IL1RN: variants seen among roughly 807,000 people sequenced by gnomAD.
IL1RN encodes the protein interleukin-1 receptor antagonist protein.
In IL1RN, 10 loss-of-function variants were observed where a neutral mutation model predicts 13.7. The ratio of observed to expected loss-of-function variants is 0.73; its 90% CI spans 0.45 to 1.24. IL1RN has a LOEUF of 1.24. Ranked by LOEUF, IL1RN falls within the 50% of genes most tolerant of loss-of-function variation. The pLI is 0.00. For synonymous variants in IL1RN, 102 were observed against 82.7 expected (o/e 1.23, Z -1.27); for missense variants, 213 against 222.1 (o/e 0.96, Z 0.26).
At chr2:113,111,829 G>T (rs747227190) in intron 1 of IL1RN, among the ~76,000 whole-genome samples, 1 of 152,260 alleles carries the variant, frequency 6.6e-6, no homozygotes, top group Non-Finnish European at 1.5e-5. Flanking sequence ...TATCAGTCAG[G>T]TCCCTTACTT....
At chr2:113,112,576 CTG>C (rs1686519537) in intron 1 of IL1RN, among the ~76,000 whole-genome samples, 1 of 152,126 alleles carries the variant, frequency 6.6e-6, no homozygotes, top group African/African-American at 2.4e-5. Context: ...CAGTTTAGTT[CTG>C]TGACTTACTT....
intron 1 of IL1RN, among the ~76,000 whole-genome samples, chr2:113,119,654 A>C (rs1175440112): frequency 1.3e-5 from 2 of 152,230 alleles, no homozygotes; most frequent in African/African-American, 4.8e-5. Flanking sequence ...ATACCAATAC[A>C]TTGTGAAGAA....
chr2:113,128,577 G>C (rs547323834), intron 1 of IL1RN, among the ~76,000 whole-genome samples: 4 of 152,234 alleles, frequency 2.6e-5, no homozygotes, highest in African/African-American at 7.2e-5. Flanking sequence ...AGCTCCAGGA[G>C]ATCCTCCTGG....
chr2:113,110,714 A>G (rs1686480842), upstream of IL1RN, among the ~76,000 whole-genome samples: 1 of 152,232 alleles, frequency 6.6e-6, no homozygotes, highest in South Asian at 2.1e-4. Flanking sequence ...TAAAGTGCCT[A>G]TGATTCTTAA....
the IL1RN span, among the ~76,000 whole-genome samples, chr2:113,099,897 GC>G: frequency 0.13 from 18,251 of 145,332 alleles, 1,465 homozygotes; most frequent in Non-Finnish European, 0.19. Flanking sequence ...ACCACGCCCG[GC>G]TAATTTTTTG....
intron 1 of IL1RN, among the ~76,000 whole-genome samples, chr2:113,129,100 G>A (rs1687067212): frequency 6.6e-6 from 1 of 152,128 alleles, no homozygotes; most frequent in African/African-American, 2.4e-5. Context: ...GTCTCAGGTG[G>A]CTATTTAAAT....
upstream of IL1RN, among the ~76,000 whole-genome samples, chr2:113,117,048 A>G (rs1340008935): frequency 6.6e-6 from 1 of 152,178 alleles, no homozygotes. Context: ...GGATGGCTTT[A>G]AGCATTTGTG....
At chr2:113,129,941 G>A (rs1687103561) in intron 2 of IL1RN, 1 of 448,238 alleles carries the variant, frequency 2.2e-6, no homozygotes, top group Non-Finnish European at 4.2e-6. Context: ...ATACCAGAAG[G>A]CAAGGTTGAC....
chr2:113,130,020 A>G (rs1687105748), intron 2 of IL1RN: 1 of 307,528 alleles, frequency 3.3e-6, no homozygotes, highest in Non-Finnish European at 6.4e-6. Context: ...CTCAATCCCA[A>G]ATTAATCCAC....
At chr2:113,100,609 C>T in the IL1RN span, among the ~76,000 whole-genome samples, 1,324 of 152,292 alleles carry the variant, frequency 8.7e-3, 17 homozygotes, top group African/African-American at 0.03. Flanking sequence ...ATCACTCTAT[C>T]GCACAGATGC....
chr2:113,130,546 G>A (rs1687134440), intron 2 of IL1RN, among the ~76,000 whole-genome samples: 2 of 151,982 alleles, frequency 1.3e-5, no homozygotes, highest in South Asian at 4.1e-4. Context: ...GGAAAGTGAG[G>A]GAAATATGGA....
chr2:113,113,022 C>A (rs993186380), upstream of IL1RN: 5 of 152,172 alleles, frequency 3.3e-5, no homozygotes, highest in African/African-American at 4.8e-5. Context: ...AGGAACTGCA[C>A]CTCTTCCTTC....
At chr2:113,106,481 T>C (rs1025893826), upstream of IL1RN, among the ~76,000 whole-genome samples, 12 of 152,230 alleles carry the variant, frequency 7.9e-5, no homozygotes, top group African/African-American at 2.7e-4. Flanking sequence ...TTAAGCAACA[T>C]TGTTCTATAA....
intron 2 of IL1RN, among the ~76,000 whole-genome samples, chr2:113,130,470 ATGGCCT>A (rs1687131152): frequency 6.6e-6 from 1 of 152,226 alleles, no homozygotes; most frequent in Admixed American, 6.5e-5. Flanking sequence ...AGCCCCACTC[ATGGCCT>A]TGTTCATTTT....
At position 113,129,645 on chromosome 2, in the gene IL1RN, A is replaced by G. The variant is rs545976021; in HGVS notation, c.186A>G (p.Gly62=). The G allele has an allele frequency of 5.6e-6, 9 of 1,611,142 alleles. No individual in the cohort carries two copies. The East Asian group carries it at 1.8e-4, about 32-fold the overall frequency. Residue 62 remains glycine, a synonymous_variant, in exon 2 of 4, where the codon GGA becomes GGG. Transcript: ENST00000409930. ...AACTAGTTGCTGGATACTTGCAAGG[A>G]CCAAATGTCAATTTAGAAGGTGAGT... is the stretch of plus-strand genomic sequence containing the variant. ...NNQLVAGYLQ[G]PNVNLEEKID...
At chr2:113,124,164 G>C (rs147906350), upstream of IL1RN, among the ~76,000 whole-genome samples, 11 of 152,244 alleles carry the variant, frequency 7.2e-5, no homozygotes, top group African/African-American at 2.6e-4. Flanking sequence ...CAGGACCTCC[G>C]ATGAAAGCCA....
the IL1RN span, among the ~76,000 whole-genome samples, chr2:113,099,842 C>G: frequency 6.9e-6 from 1 of 145,576 alleles, no homozygotes; most frequent in African/African-American, 2.5e-5. Flanking sequence ...TCACGCCCTT[C>G]TCCTGCCTCA....
chr2:113,127,725 A>G lies in IL1RN; in HGVS notation c.101A>G (p.Lys34Arg). Residue 34 changes from lysine (K) to arginine (R), a missense_variant, in exon 1 of 4, where the codon AAG becomes AGG. By Grantham distance (26) the Lys-to-Arg change is conservative. Coordinates refer to ENST00000409930, the MANE Select transcript of IL1RN (RefSeq NM_173842.3). ...CGACCCTCTGGGAGAAAATCCAGCA[A>G]GATGCAAGCCTTCAGGTAAGGCTAC... Reference protein sequence around the residue: ...ICRPSGRKSSKMQAFRIWDVN... With the variant: ...ICRPSGRKSSRMQAFRIWDVN... The G allele has an allele frequency of 6.2e-7, 1 of 1,613,984 alleles. No individual in the cohort carries two copies. Among genetic ancestry groups the G allele is most frequent in the Non-Finnish European group, 8.5e-7 (1 of 1,179,962 alleles).
intron 1 of IL1RN, among the ~76,000 whole-genome samples, chr2:113,112,361 A>G (rs1168316683): frequency 6.6e-6 from 1 of 152,184 alleles, no homozygotes; most frequent in Non-Finnish European, 1.5e-5. Flanking sequence ...CAAAAAGTAT[A>G]CAATGTAAGG....
Sources: allele counts gnomAD v4.1 joint callset (sites outside exome capture counted in the v4.1 genomes callset), GRCh38; gene constraint gnomAD v4.1.1; transcripts MANE v1.5; gene names NCBI Gene and HGNC (gene_info 2026-07-23, HGNC 2026-07-21).